Variants in PCDHA11 observed in about 807,000 individuals in gnomAD.
PCDHA11 encodes protocadherin alpha 11, also known as protocadherin alpha-11.
Under a neutral mutation model 70.3 loss-of-function variants are expected in PCDHA11, and 61 were observed. That is an observed-to-expected ratio of 0.87 (90% confidence interval 0.71 to 1.07). The LOEUF is 1.07. Ranked by LOEUF, PCDHA11 falls within the 50% of genes least tolerant of loss-of-function variation. The pLI, the probability that PCDHA11 is intolerant of heterozygous loss-of-function variation, is 0.00. For missense variants in PCDHA11, 1,324 were observed against 1,237.5 expected (o/e 1.07, Z -1.05); for synonymous variants, 633 against 555.1 (o/e 1.14, Z -1.97).
intron 1 of PCDHA11, among the ~76,000 whole-genome samples, chr5:140,936,326 AT>A: frequency 6.6e-6 from 1 of 152,256 alleles, no homozygotes; most frequent in South Asian, 2.1e-4. Flanking sequence ...CATGCTATAA[AT>A]TTTCTCTATC....
chr5:140,889,034 T>A (rs1554183750), intron 1 of PCDHA11, among the ~76,000 whole-genome samples: 4 of 152,080 alleles, frequency 2.6e-5, no homozygotes, highest in Non-Finnish European at 5.9e-5. Flanking sequence ...TAACCGTAAT[T>A]TGATTATAAT....
intron 1 of PCDHA11, chr5:140,969,195 A>G: frequency 6.2e-7 from 1 of 1,614,158 alleles, no homozygotes; most frequent in Non-Finnish European, 8.5e-7. Flanking sequence ...ATGTTTTACA[A>G]TACAGGGGCC....
In PCDHA11 at chr5:140,887,347, C is replaced by T. The variant is rs568939189; in HGVS notation, c.2391+15853C>T. Among the ~76,000 whole-genome samples the T allele has an allele frequency of 4.6e-5, 7 of 152,202 alleles. No homozygotes were observed. In the South Asian group the frequency reaches 6.2e-4, roughly 14 times the overall value. On this transcript the variant is annotated intron_variant, in intron 1 of 3. Coordinates refer to ENST00000398640, the MANE Select transcript of PCDHA11 (RefSeq NM_018902.5). ...TCCTGACCTCGTGATCCACCTGGCT[C>T]GGCCTCCCAAAGTGCTGGGATTACA...
At chr5:140,951,741 C>A (rs1490111006) in intron 1 of PCDHA11, among the ~76,000 whole-genome samples, 3 of 152,062 alleles carry the variant, frequency 2.0e-5, no homozygotes, top group Non-Finnish European at 4.4e-5. Flanking sequence ...CTGCCACTGC[C>A]CTCACCCTCC....
At chr5:140,909,966 G>C (rs1583724116) in intron 1 of PCDHA11, among the ~76,000 whole-genome samples, 1 of 152,202 alleles carries the variant, frequency 6.6e-6, no homozygotes, top group African/African-American at 2.4e-5. Flanking sequence ...TCTCCATGGG[G>C]AAGGATGGGA....
intron 1 of PCDHA11, among the ~76,000 whole-genome samples, chr5:140,886,239 TAAATA>T (rs2060905359): frequency 6.6e-6 from 1 of 152,062 alleles, no homozygotes; most frequent in African/African-American, 2.4e-5. Context: ...ACTTCAGAAA[TAAATA>T]AAAGTATCTC....
chr5:140,890,409 A>G (rs1554184285), intron 1 of PCDHA11, among the ~76,000 whole-genome samples: 1 of 152,174 alleles, frequency 6.6e-6, no homozygotes, highest in Non-Finnish European at 1.5e-5. Context: ...TTTAACTTGA[A>G]TATTTATTTA....
At chr5:140,882,062 T>G (rs78484684) in intron 1 of PCDHA11, 9 of 812,456 alleles carry the variant, frequency 1.1e-5, no homozygotes, top group Non-Finnish European at 1.5e-5. Flanking sequence ...CACTTACACG[T>G]TCATGCGCAT....
chr5:140,915,634 CT>C (rs782528552), intron 1 of PCDHA11, among the ~76,000 whole-genome samples: 9 of 150,114 alleles, frequency 6.0e-5, no homozygotes, highest in Non-Finnish European at 1.3e-4. Context: ...CTGTCTCTCT[CT>C]CTCTCTCTCT....
Position 140,880,781 on chromosome 5 carries a change from G to C in PCDHA11, c.2391+9287G>C, listed in dbSNP as rs575201091. Reference sequence around the variant, plus strand: ...GTGTTGGAGGCTAAAAAGAATGTTAGAGGAGTAATATAAATAGGTGAATGA... The same window carrying C: ...GTGTTGGAGGCTAAAAAGAATGTTACAGGAGTAATATAAATAGGTGAATGA... On this transcript the variant is annotated intron_variant, in intron 1 of 3. Transcript: ENST00000398640. Among the ~76,000 whole-genome samples the C allele has an allele frequency of 5.9e-5, 9 of 152,346 alleles. No homozygotes were observed. In the East Asian group the frequency reaches 1.3e-3, roughly 23 times the overall value.
intron 1 of PCDHA11, chr5:140,883,223 T>C: frequency 6.2e-7 from 1 of 1,613,922 alleles, no homozygotes; most frequent in Non-Finnish European, 8.5e-7. Flanking sequence ...ATATGAAATA[T>C]CCGTGGAGGC....
chr5:140,884,159 A>T, intron 1 of PCDHA11: 3 of 1,613,418 alleles, frequency 1.9e-6, no homozygotes, highest in Non-Finnish European at 2.5e-6. Context: ...CACTGGCGAG[A>T]TCAGCACGAC....
intron 3 of PCDHA11, among the ~76,000 whole-genome samples, chr5:140,984,053 TC>T (rs2097083610): frequency 6.6e-6 from 1 of 152,154 alleles, no homozygotes; most frequent in Non-Finnish European, 1.5e-5. Flanking sequence ...CATTGACAAA[TC>T]TGTACCCTCA....
chr5:140,981,252 T>C (rs1482350756), intron 2 of PCDHA11, among the ~76,000 whole-genome samples: 1 of 152,240 alleles, frequency 6.6e-6, no homozygotes, highest in African/African-American at 2.4e-5. Context: ...GAAATTTAAC[T>C]TTCAAGATAA....
intron 1 of PCDHA11, chr5:140,882,432 A>G: frequency 6.2e-7 from 1 of 1,614,052 alleles, no homozygotes; most frequent in Non-Finnish European, 8.5e-7. Context: ...CTGGGGCTGG[A>G]GCTGGCGGAG....
intron 1 of PCDHA11, among the ~76,000 whole-genome samples, chr5:140,950,241 G>T (rs191139851): frequency 2.0e-5 from 3 of 152,014 alleles, no homozygotes; most frequent in African/African-American, 4.8e-5. Flanking sequence ...CCATTAATTT[G>T]TTCCTAAAGA....
chr5:140,929,665 AGAAT>A (rs2086286980), intron 1 of PCDHA11: 2 of 332,822 alleles, frequency 6.0e-6, no homozygotes, highest in East Asian at 1.0e-4. Flanking sequence ...TTTAAAGTGA[AGAAT>A]GAAAAATATG....
intron 1 of PCDHA11, chr5:140,876,776 T>C: frequency 1.2e-6 from 2 of 1,614,212 alleles, no homozygotes; most frequent in Non-Finnish European, 1.7e-6. Context: ...TCGCCTTCGC[T>C]GTGGGCCACG....
intron 1 of PCDHA11, among the ~76,000 whole-genome samples, chr5:140,903,212 A>G (rs1387552422): frequency 6.6e-6 from 1 of 152,192 alleles, no homozygotes; most frequent in African/African-American, 2.4e-5. Context: ...CACCACATTC[A>G]TGCCAACATC....
Sources: allele counts gnomAD v4.1 joint callset (sites outside exome capture counted in the v4.1 genomes callset), GRCh38; gene constraint gnomAD v4.1.1; transcripts MANE v1.5; gene names NCBI Gene and HGNC (gene_info 2026-07-23, HGNC 2026-07-21).